RB1: variants seen among roughly 807,000 people sequenced by gnomAD.
The protein encoded by RB1 is retinoblastoma-associated protein.
RB1 carries 18 observed loss-of-function variants against 135.4 expected under a neutral mutation model. That is an observed-to-expected ratio of 0.13 (90% CI 0.09 to 0.20). RB1 has a LOEUF of 0.20. Ranked by LOEUF, RB1 falls within the 10% of genes least tolerant of loss-of-function variation. The probability of loss-of-function intolerance (pLI) is 1.00; values close to 1 mark genes in which losing one functional copy is unlikely to be tolerated. For synonymous variants in RB1, 365 were observed against 373.2 expected, an observed-to-expected ratio of 0.98 and a Z score of 0.25; for missense variants, 868 against 1,110.0, an observed-to-expected ratio of 0.78 and a Z score of 3.10.
rs1043802132 is a variant in RB1 at position 48,303,761 on chromosome 13, C to T, written c.-152C>T. ...TTGGACGCGGCGCTCAGTTGCCGGG[C>T]GGGGGAGGGCGCGTCCGGTTTTTCT... On this transcript the variant is annotated 5_prime_UTR_variant, in exon 1 of 27. Transcript: ENST00000267163. 9 of 1,210,772 alleles carry T rather than the reference C, an allele frequency of 7.4e-6. No individual in the cohort carries two copies. In the African/African-American group the frequency reaches 8.0e-5, roughly 11 times the overall value. 75.0% of individuals were successfully genotyped at this position (1,210,772 alleles called of 1,614,324 possible).
chr13:48,323,832 A>G (rs1368706269), intron 2 of RB1, among the ~76,000 whole-genome samples: 1 of 152,074 alleles, frequency 6.6e-6, no homozygotes, highest in Non-Finnish European at 1.5e-5. Flanking sequence ...ATTTAACCTT[A>G]TAGATACTAT....
chr13:48,373,883 GAT>G (rs1288212365), intron 12 of RB1, among the ~76,000 whole-genome samples: 1 of 151,802 alleles, frequency 6.6e-6, no homozygotes, highest in Non-Finnish European at 1.5e-5. Context: ...TTTTTTGTGA[GAT>G]AGCTTTGCTC....
In RB1 at chr13:48,445,113, G is replaced by T. The variant is rs541385797; in HGVS notation, c.1696-7880G>T. The T allele has an allele frequency of 2.6e-5, 4 of 152,234 alleles. No individual in the cohort carries two copies. In the East Asian group the frequency reaches 7.7e-4, roughly 29 times the overall value. The allele number at this position is 152,234 out of a possible 1,614,324, so 9.4% of individuals were successfully genotyped here. A position where few individuals can be genotyped will look rare whatever the true frequency, so the allele number is the denominator to read the frequency against. The stretch of plus-strand genomic sequence containing the variant: ...CCTGGCATATTCTTGAGACATTGGA[G>T]CTAGGAAGTTGGAAATTGATAGAAA... On this transcript the variant is annotated intron_variant, in intron 17 of 26. Transcript: ENST00000267163.
chr13:48,319,613 A>G lies in RB1; in HGVS notation c.264+12207A>G. ...GCACGTTCGTCTTTGCTAACCGGGG[A>G]GGTTTGCGAAAGGCGAACTCTTTAT... On this transcript the variant is annotated intron_variant, in intron 2 of 26. Transcript: ENST00000267163. The surrounding 1 kb of genome is among the most constrained non-coding windows in gnomAD (Gnocchi z 5.0). The G allele has an allele frequency of 4.0e-6, 1 of 251,794 alleles. No homozygotes were observed. Among genetic ancestry groups the G allele is most frequent in the Non-Finnish European group, 8.1e-6 (1 of 123,856 alleles). 15.6% of individuals were successfully genotyped at this position (251,794 alleles called of 1,614,324 possible). A position where few individuals can be genotyped will look rare whatever the true frequency, so the allele number is the denominator to read the frequency against.
At chr13:48,440,314 A>G (rs950169088) in intron 17 of RB1, among the ~76,000 whole-genome samples, 1 of 152,202 alleles carries the variant, frequency 6.6e-6, no homozygotes, top group African/African-American at 2.4e-5. Context: ...AGTGGTTGAA[A>G]TTTGGGAGAT....
At position 48,339,638 on chromosome 13, in the gene RB1, C is replaced by T. The variant is rs532898068; in HGVS notation, c.265-2961C>T. Among the ~76,000 whole-genome samples, 69 of 152,280 alleles carry T rather than the reference C, an allele frequency of 4.5e-4. 1 individual carries two copies. The highest frequency in any genetic ancestry group is 1.7e-3 in the African/African-American group (69 of 41,548). ...GTGCTTCCCAGGTGAGGTGATGCCT[C>T]GCCCTGCTTTGGCTCACACTTGGTT... is the stretch of plus-strand genomic sequence containing the variant. On this transcript the variant is annotated intron_variant, in intron 2 of 26. Coordinates refer to ENST00000267163, the MANE Select transcript of RB1 (RefSeq NM_000321.3).
intron 6 of RB1, among the ~76,000 whole-genome samples, chr13:48,350,674 C>T (rs1285337540): frequency 6.6e-6 from 1 of 152,092 alleles, no homozygotes; most frequent in African/African-American, 2.4e-5. Flanking sequence ...TACTTCATCA[C>T]CCAGGAATTA....
intron 17 of RB1, among the ~76,000 whole-genome samples, chr13:48,439,195 G>A (rs1949212791): frequency 6.6e-6 from 1 of 152,110 alleles, no homozygotes; most frequent in Non-Finnish European, 1.5e-5. Flanking sequence ...ATAATATGGG[G>A]CAAAATTTAT....
intron 17 of RB1, among the ~76,000 whole-genome samples, chr13:48,396,869 A>T (rs773578565): frequency 2.2e-4 from 33 of 152,190 alleles, no homozygotes; most frequent in Non-Finnish European, 3.5e-4. Flanking sequence ...GAAGATATTT[A>T]TGTGGCCAAC....
chr13:48,318,607 A>C (rs934898439), intron 2 of RB1: 1 of 614,778 alleles, frequency 1.6e-6, no homozygotes, highest in Non-Finnish European at 2.9e-6. Context: ...GGCACGGCTC[A>C]CGCCTGGCTG....
At chr13:48,345,709 G>A (rs542231568) in intron 4 of RB1, among the ~76,000 whole-genome samples, 1 of 152,126 alleles carries the variant, frequency 6.6e-6, no homozygotes, top group African/African-American at 2.4e-5. Flanking sequence ...CATCAAAACT[G>A]TACTTCCCTA....
intron 17 of RB1, among the ~76,000 whole-genome samples, chr13:48,430,770 A>AC (rs1949121980): frequency 6.6e-6 from 1 of 150,430 alleles, no homozygotes; most frequent in African/African-American, 2.5e-5. Flanking sequence ...ACAAACAAAA[A>AC]AAAAAAACAG....
chr13:48,384,366 C>T (rs1394058098), intron 17 of RB1, among the ~76,000 whole-genome samples: 1 of 152,066 alleles, frequency 6.6e-6, no homozygotes, highest in Non-Finnish European at 1.5e-5. Context: ...AAACAGGATA[C>T]TGTGTATTTT....
At chr13:48,363,628 T>C (rs762756778) in intron 8 of RB1, among the ~76,000 whole-genome samples, 9 of 152,192 alleles carry the variant, frequency 5.9e-5, no homozygotes, top group Non-Finnish European at 1.3e-4. Flanking sequence ...AGTTTAGTGA[T>C]AAGTGATACC....
chr13:48,342,149 A>C (rs1264443603), intron 2 of RB1, among the ~76,000 whole-genome samples: 1 of 152,012 alleles, frequency 6.6e-6, no homozygotes, highest in Non-Finnish European at 1.5e-5. Flanking sequence ...ACAAGGTTAA[A>C]AATAATTGAA....
chr13:48,329,797 A>G (rs780172379), intron 2 of RB1, among the ~76,000 whole-genome samples: 5 of 152,298 alleles, frequency 3.3e-5, no homozygotes, highest in Non-Finnish European at 2.9e-5. Flanking sequence ...ATGGTTAGAC[A>G]GCTGATGTCA....
intron 17 of RB1, among the ~76,000 whole-genome samples, 154 bp downstream of exon 17, chr13:48,381,597 T>C (rs555178734): frequency 1.2e-4 from 18 of 152,346 alleles, no homozygotes; most frequent in Non-Finnish European, 1.8e-4. Context: ...TCAAGTGGAA[T>C]ATTAGAATGG....
chr13:48,384,607 T>G (rs1397131852), intron 17 of RB1, among the ~76,000 whole-genome samples: 1 of 152,258 alleles, frequency 6.6e-6, no homozygotes, highest in Non-Finnish European at 1.5e-5. Flanking sequence ...AATAAAAAAT[T>G]CTCGTTAAAA....
rs996127514 is a variant in RB1, at chr13:48,473,271, A to G, written c.2490-89A>G. The G allele has an allele frequency of 5.8e-6, 6 of 1,028,780 alleles. No individual in the cohort carries two copies. The highest frequency in any genetic ancestry group is 1.6e-5 in the African/African-American group (1 of 62,902). 63.7% of individuals were successfully genotyped at this position (1,028,780 alleles called of 1,614,324 possible). A position where few individuals can be genotyped will look rare whatever the true frequency, so the allele number is the denominator to read the frequency against. Reference sequence around the variant, plus strand: ...AGGTAACCTTTAATTTGGTATTCCTAATAGTTCAGAATGATGTATTTATGC... The same window carrying G: ...AGGTAACCTTTAATTTGGTATTCCTGATAGTTCAGAATGATGTATTTATGC... On this transcript the variant is annotated intron_variant, in intron 23 of 26. Coordinates refer to ENST00000267163, the MANE Select transcript of RB1 (RefSeq NM_000321.3).
Sources: gnomAD v4.1 joint callset for allele counts (sites outside exome capture counted in the v4.1 genomes callset) on GRCh38, gnomAD v4.1.1 for gene constraint, Gnocchi (gnomAD v3.1) non-coding constraint, MANE v1.5 for transcripts, NCBI Gene and HGNC (gene_info 2026-07-23, HGNC 2026-07-21) for gene names.